DDX51: variants seen among roughly 807,000 people sequenced by gnomAD.
DDX51 encodes ATP-dependent RNA helicase DDX51.
In DDX51, 67 loss-of-function variants were observed where a neutral mutation model predicts 74.6. The ratio of observed to expected loss-of-function variants is 0.90; its 90% CI spans 0.74 to 1.10. The LOEUF (loss-of-function observed/expected upper bound fraction) is 1.10, where lower values mean the gene tolerates loss of function less well. Ranked by LOEUF, DDX51 falls within the 50% of genes least tolerant of loss-of-function variation. DDX51 has a pLI of 0.00. For synonymous variants in DDX51, 545 were observed against 402.9 expected (o/e 1.35, Z -4.22); for missense variants, 1,056 against 905.2 (o/e 1.17, Z -2.14).
Position 132,142,419 on chromosome 12 carries a change from T to G in DDX51, c.674A>C (p.Gln225Pro), listed in dbSNP as rs1268094386. 1.2e-6 allele frequency: 2 copies of G among 1,611,808 alleles called. No homozygotes were observed. The highest frequency in any genetic ancestry group is 8.5e-7 in the Non-Finnish European group (1 of 1,179,900). ...AHGISSYFPVQAAVIPALLES... is the reference protein window; with the variant it reads ...AHGISSYFPVPAAVIPALLES... ...CAGGAGGGCAGGAATCACAGCTGCC[T>G]GGACTGGATGAGGAAAGGCGAGAGA... Residue 225 changes from glutamine to proline, a missense_variant, in exon 4 of 15, where the codon CAG (glutamine) becomes CCG (proline). Transcript: ENST00000397333.
chr12:132,141,491 G>T lies in DDX51; in HGVS notation c.1104+7C>A. 6.3e-7 allele frequency: 1 copy of T among 1,586,726 alleles called. No homozygotes were observed. Among genetic ancestry groups the T allele is most frequent in the Non-Finnish European group, 8.6e-7 (1 of 1,169,470 alleles). On this transcript the variant is annotated splice_region_variant and intron_variant, in intron 7 of 14. Coordinates refer to ENST00000397333, the MANE Select transcript of DDX51 (RefSeq NM_175066.4). ...TCAAAGCCCAGGCCCCTGGGGCGGGGACCTACCAGGAAGCGGAGCTGCTGG... is the reference window on the plus strand; with the variant it reads ...TCAAAGCCCAGGCCCCTGGGGCGGGTACCTACCAGGAAGCGGAGCTGCTGG...
intron 6 of DDX51, 115 bp from the exon 7 acceptor site, chr12:132,141,721 G>T: frequency 6.9e-7 from 1 of 1,456,152 alleles, no homozygotes; most frequent in Non-Finnish European, 9.3e-7. Context: ...GGGGCCGGTG[G>T]GAGCTCCTCC....
At chr12:132,142,041 C>T in intron 5 of DDX51, 78 bp downstream of exon 5, 2 of 1,603,160 alleles carry the variant, frequency 1.2e-6, no homozygotes, top group Non-Finnish European at 1.7e-6. Flanking sequence ...ATCTGGGTCC[C>T]CCAGGGGCTG....
rs139832207 is a variant in DDX51, at chr12:132,139,080, A to G, written c.*192T>C. ...ACACTCTGAAAGTGACAAGCCCTGAAGTCTCCAGTCGGGGCAGGTGCTTGA... is the reference window on the plus strand; with the variant it reads ...ACACTCTGAAAGTGACAAGCCCTGAGGTCTCCAGTCGGGGCAGGTGCTTGA... On this transcript the variant is annotated 3_prime_UTR_variant, in exon 15 of 15. Coordinates refer to ENST00000397333, the MANE Select transcript of DDX51 (RefSeq NM_175066.4). 8.4e-4 allele frequency: 609 copies of G among 724,638 alleles called. No homozygotes were observed. The African/African-American group carries it at 8.5e-3, about 10-fold the overall frequency. The allele number at this position is 724,638 out of a possible 1,614,324, so 44.9% of individuals were successfully genotyped here. A position where few individuals can be genotyped will look rare whatever the true frequency, so the allele number is the denominator to read the frequency against.
rs372990419 is a variant in DDX51 at position 132,140,485 on chromosome 12, C to T, written c.1611G>A (p.Ser537=). 39 of 1,613,192 alleles carry T rather than the reference C, an allele frequency of 2.4e-5. 1 individual carries two copies. Among genetic ancestry groups the T allele is most frequent in the East Asian group, 1.6e-4 (7 of 44,884 alleles). Residue 537 remains serine (S), a synonymous_variant, in exon 11 of 15, where the codon TCG becomes TCA. Transcript: ENST00000397333. ...TCCTCCTCTGGCCAGGCCCGTAGCGCGAGGAGAACTCAGCCACGTCCACAC... is the reference window on the plus strand; with the variant it reads ...TCCTCCTCTGGCCAGGCCCGTAGCGTGAGGAGAACTCAGCCACGTCCACAC... ...FGGVDVAEFS[S]RYGPGQRRMI... is the part of the protein sequence containing the mutation.
chr12:132,140,335 G>A (rs1897398205), intron 11 of DDX51, 88 bp downstream of exon 11: 8 of 1,573,296 alleles, frequency 5.1e-6, no homozygotes, highest in South Asian at 1.1e-5. Flanking sequence ...CCAATTTGCA[G>A]AAGGAAGCAC....
chr12:132,142,459 G>C, intron 3 of DDX51, 37 bp from the exon 4 acceptor site: 1 of 1,592,494 alleles, frequency 6.3e-7, no homozygotes, highest in South Asian at 1.1e-5. Flanking sequence ...TCGTGTTTAC[G>C]CCTAGGCCTA....
chr12:132,141,054 C>A, intron 8 of DDX51, 34 bp from the exon 9 acceptor site: 4 of 1,561,918 alleles, frequency 2.6e-6, no homozygotes, highest in South Asian at 1.2e-5. Flanking sequence ...GGCACCCTAC[C>A]AGTGGCTGCC....
In DDX51 at chr12:132,138,483, T is replaced by G. The variant is rs1593417378; in HGVS notation, c.*789A>C. ...GCCCGCCACCACGCCCGGCTAGTTG[T>G]TTTTTTTTTTTTTTTGTATTTTTAG... On this transcript the variant is annotated 3_prime_UTR_variant, in exon 15 of 15. Coordinates refer to ENST00000397333, the MANE Select transcript of DDX51 (RefSeq NM_175066.4). 1 of 65,230 alleles carries G rather than the reference T, an allele frequency of 1.5e-5. No individual in the cohort carries two copies. The highest frequency in any genetic ancestry group is 2.9e-4 in the African/African-American group (1 of 3,466). The allele number at this position is 65,230 out of a possible 1,614,324, so 4.0% of individuals were successfully genotyped here. A position where few individuals can be genotyped will look rare whatever the true frequency, so the allele number is the denominator to read the frequency against.
In DDX51 at chr12:132,139,616, C is replaced by T. The variant is rs1234049964; in HGVS notation, c.1974+19G>A. 6.8e-6 allele frequency: 11 copies of T among 1,613,136 alleles called. No individual in the cohort carries two copies. The highest frequency in any genetic ancestry group is 2.2e-5 in the East Asian group (1 of 44,884). ...ACGCCCTCCCCAGAGGGTTTCATGC[C>T]GGACTCTGGTGCCCTTACCTTGACA... On this transcript the variant is annotated intron_variant, in intron 14 of 14. Coordinates refer to ENST00000397333, the MANE Select transcript of DDX51 (RefSeq NM_175066.4).
At position 132,139,649 on chromosome 12, in the gene DDX51, C is replaced by G; in HGVS notation, c.1960G>C (p.Glu654Gln). Residue 654 changes from glutamate to glutamine, a missense_variant, in exon 14 of 15, where the codon GAG becomes CAG. Coordinates refer to ENST00000397333, the MANE Select transcript of DDX51 (RefSeq NM_175066.4). ...PRYEEALSQL[E>Q]ESVKEERKQR... Reference sequence around the variant, plus strand: ...GGTGCCCTTACCTTGACAGACTCCTCCAGCTGGGACAGGGCCTCCTCGTAC... The same window carrying G: ...GGTGCCCTTACCTTGACAGACTCCTGCAGCTGGGACAGGGCCTCCTCGTAC... 1 of 1,613,136 alleles carries G rather than the reference C, an allele frequency of 6.2e-7. No individual in the cohort carries two copies. The highest frequency in any genetic ancestry group is 8.5e-7 in the Non-Finnish European group (1 of 1,180,000).
Position 132,138,629 on chromosome 12 carries a change from T to G in DDX51, c.*643A>C, listed in dbSNP as rs1451589157. 1 of 129,560 alleles carries G rather than the reference T, an allele frequency of 7.7e-6. No individual in the cohort carries two copies. Among genetic ancestry groups the G allele is most frequent in the Non-Finnish European group, 1.7e-5 (1 of 59,608 alleles). 8.0% of individuals were successfully genotyped at this position (129,560 alleles called of 1,614,324 possible). A position where few individuals can be genotyped will look rare whatever the true frequency, so the allele number is the denominator to read the frequency against. ...CATTTGCCACCGCGCCCGGCAATTT[T>G]TTTTTTTGAGACGGAGTTTTGCTCT... is the stretch of plus-strand genomic sequence containing the variant. On this transcript the variant is annotated 3_prime_UTR_variant, in exon 15 of 15. Coordinates refer to ENST00000397333, the MANE Select transcript of DDX51 (RefSeq NM_175066.4).
At position 132,140,930 on chromosome 12, in the gene DDX51, G is replaced by C; in HGVS notation, c.1341C>G (p.His447Gln). 6.2e-7 allele frequency: 1 copy of C among 1,613,420 alleles called. No homozygotes were observed. The highest frequency in any genetic ancestry group is 8.5e-7 in the Non-Finnish European group (1 of 1,179,966). ...NPEKLQQLGL[H>Q]QPRLFSTGLA... is the part of the protein sequence containing the mutation. The stretch of plus-strand genomic sequence containing the variant: ...GCCCTGTGGAGAAAAGCCGGGGCTG[G>C]TGGAGGCCCAGCTGCTGCAGCTTTT... Residue 447 changes from histidine (H) to glutamine (Q), a missense_variant, in exon 9 of 15, where the codon CAC (histidine) becomes CAG (glutamine). Physicochemically the swap from His to Gln is conservative, Grantham distance 24 (BLOSUM62 0). Transcript: ENST00000397333.
Position 132,139,881 on chromosome 12 carries a change from T to C in DDX51, c.1819A>G (p.Thr607Ala). 6.2e-7 allele frequency: 1 copy of C among 1,613,174 alleles called. No individual in the cohort carries two copies. Among genetic ancestry groups the C allele is most frequent in the Non-Finnish European group, 8.5e-7 (1 of 1,179,998 alleles). Residue 607 changes from threonine (T) to alanine (A), a missense_variant, in exon 13 of 15, where the codon ACA becomes GCA. By Grantham distance (58) the Thr-to-Ala change is moderately conservative (BLOSUM62 0). Coordinates refer to ENST00000397333, the MANE Select transcript of DDX51 (RefSeq NM_175066.4). ...CTCACCTGCACTTTCAGGAGCAGTGTGAAGGCCTGTCCAGTTTTCCCAGCG... is the reference window on the plus strand; with the variant it reads ...CTCACCTGCACTTTCAGGAGCAGTGCGAAGGCCTGTCCAGTTTTCCCAGCG... ...ARAGKTGQAF[T>A]LLLKVQERRF...
intron 14 of DDX51, 50 bp downstream of exon 14, chr12:132,139,585 C>T (rs1398500120): frequency 1.2e-6 from 2 of 1,612,864 alleles, no homozygotes; most frequent in African/African-American, 2.7e-5. Flanking sequence ...GACGCCCTCT[C>T]TGCAAACGCC....
intron 6 of DDX51, 110 bp from the exon 7 acceptor site, chr12:132,141,716 C>G (rs1425729259): frequency 6.9e-7 from 1 of 1,450,842 alleles, no homozygotes; most frequent in Non-Finnish European, 9.4e-7. Flanking sequence ...GGAAGGGGGC[C>G]GGTGGGAGCT....
In DDX51 at chr12:132,142,071, G is replaced by A. The variant is rs367813909; in HGVS notation, c.888+48C>T. 287 of 1,571,496 alleles carry A rather than the reference G, an allele frequency of 1.8e-4. 2 individuals carry two copies. The Admixed American group carries it at 5.1e-3, about 28-fold the overall frequency. Reference sequence around the variant, plus strand: ...GGGCTGATCGCTGTGCACTCAGCAGGGAAGCTGAGGCGGGCGGTGCCACGC... The same window carrying A: ...GGGCTGATCGCTGTGCACTCAGCAGAGAAGCTGAGGCGGGCGGTGCCACGC... On this transcript the variant is annotated intron_variant, in intron 5 of 14. Coordinates refer to ENST00000397333, the MANE Select transcript of DDX51 (RefSeq NM_175066.4).
chr12:132,140,525 A>C lies in DDX51; in HGVS notation c.1571T>G (p.Val524Gly). Residue 524 changes from valine (V) to glycine (G), a missense_variant, in exon 11 of 15, where the codon GTG becomes GGG. By Grantham distance (109) the Val-to-Gly change is moderately radical. Transcript: ENST00000397333. ...RENSHRLFLLVQAFGGVDVAE... is the reference protein window; with the variant it reads ...RENSHRLFLLGQAFGGVDVAE... The stretch of plus-strand genomic sequence containing the variant: ...CACGTCCACACCCCCAAAAGCTTGC[A>C]CCAGCAGGAAGAGCCTAGGCAGAGA... The C allele has an allele frequency of 1.2e-6, 2 of 1,613,032 alleles. No individual in the cohort carries two copies. Among genetic ancestry groups the C allele is most frequent in the Non-Finnish European group, 1.7e-6 (2 of 1,180,002 alleles).
chr12:132,143,162 C>T (rs747092140), intron 2 of DDX51: 7 of 470,274 alleles, frequency 1.5e-5, no homozygotes, highest in Non-Finnish European at 2.3e-5. Flanking sequence ...GCCCCAGCCA[C>T]GCCGGCGTCC....
Sources: allele counts gnomAD v4.1 joint callset, GRCh38; gene constraint gnomAD v4.1.1; transcripts MANE v1.5; gene names NCBI Gene and HGNC (gene_info 2026-07-23, HGNC 2026-07-21).